Variants in MVB12B observed in about 807,000 individuals in gnomAD.
The protein encoded by MVB12B is multivesicular body subunit 12B.
A neutral mutation model predicts 41.6 loss-of-function variants in MVB12B; 16 were observed. The ratio of observed to expected loss-of-function variants is 0.38; its 90% CI spans 0.26 to 0.58. The LOEUF (loss-of-function observed/expected upper bound fraction) is 0.58. Among genes scored for constraint, MVB12B ranks in the 20% least tolerant of loss-of-function variants. The pLI, the probability that MVB12B is intolerant of heterozygous loss-of-function variation, is 0.62. For missense variants in MVB12B, 274 were observed against 380.2 expected (o/e 0.72, Z 2.32); for synonymous variants, 133 against 139.7 (o/e 0.95, Z 0.34).
intron 6 of MVB12B, among the ~76,000 whole-genome samples, chr9:126,413,849 T>TGTGTGTGTGCGC (rs1554776184): frequency 1.1e-4 from 16 of 148,516 alleles, no homozygotes; most frequent in Admixed American, 7.4e-4. Flanking sequence ...TGTGTGTGTG[T>TGTGTGTGTGCGC]GTGTATAAGG....
intron 2 of MVB12B, among the ~76,000 whole-genome samples, chr9:126,375,681 A>G (rs1830463906): frequency 6.6e-6 from 1 of 152,166 alleles, no homozygotes; most frequent in East Asian, 1.9e-4. Context: ...TTCCTCAGAA[A>G]GGGCCCCTGG....
At chr9:126,342,904 C>T (rs984881706) in intron 2 of MVB12B, among the ~76,000 whole-genome samples, 1 of 152,308 alleles carries the variant, frequency 6.6e-6, no homozygotes, top group Non-Finnish European at 1.5e-5. Flanking sequence ...AGCCCTGCTG[C>T]GGATTGGGCC....
intron 9 of MVB12B, 30 bp from the exon 10 acceptor site, chr9:126,503,147 G>T: frequency 1.3e-6 from 2 of 1,536,106 alleles, no homozygotes; most frequent in Non-Finnish European, 8.8e-7. Flanking sequence ...TGGACTGACT[G>T]TGTCTCTCTG....
intron 7 of MVB12B, among the ~76,000 whole-genome samples, chr9:126,447,294 A>T (rs1431722653): frequency 3.4e-5 from 5 of 148,878 alleles, no homozygotes; most frequent in Non-Finnish European, 5.9e-5. Flanking sequence ...CTTTTTTAAT[A>T]GCTTCCCTTG....
chr9:126,336,225 G>A (rs1307946001), intron 1 of MVB12B, among the ~76,000 whole-genome samples: 4 of 152,356 alleles, frequency 2.6e-5, no homozygotes, highest in Middle Eastern at 3.4e-3. Context: ...TTGATAAAAC[G>A]AGATAAACCC....
At chr9:126,455,747 A>G (rs1266557955) in intron 7 of MVB12B, among the ~76,000 whole-genome samples, 1 of 152,042 alleles carries the variant, frequency 6.6e-6, no homozygotes, top group Non-Finnish European at 1.5e-5. Context: ...CAGCCTCCCA[A>G]TGTGCTGGAA....
intron 3 of MVB12B, among the ~76,000 whole-genome samples, chr9:126,383,032 T>C (rs1185051002): frequency 2.0e-5 from 3 of 152,162 alleles, no homozygotes; most frequent in Admixed American, 6.5e-5. Flanking sequence ...CATATTGTTT[T>C]TGGAAAAAGA....
intron 7 of MVB12B, among the ~76,000 whole-genome samples, chr9:126,434,920 C>T (rs1588170198): frequency 6.6e-6 from 1 of 152,158 alleles, no homozygotes; most frequent in Non-Finnish European, 1.5e-5. Context: ...GCCTGATGCC[C>T]AATGCCCAGC....
chr9:126,472,792 A>G (rs1452369638), intron 7 of MVB12B, among the ~76,000 whole-genome samples: 2 of 152,168 alleles, frequency 1.3e-5, no homozygotes, highest in African/African-American at 4.8e-5. Flanking sequence ...GATCGTTATG[A>G]TAAAGGGCAT....
intron 7 of MVB12B, among the ~76,000 whole-genome samples, chr9:126,465,485 T>G (rs754629754): frequency 2.0e-5 from 3 of 152,134 alleles, no homozygotes; most frequent in Non-Finnish European, 4.4e-5. Context: ...TACTCTCAGA[T>G]GGGGGCACAG....
At chr9:126,440,654 T>C (rs1460971628) in intron 7 of MVB12B, among the ~76,000 whole-genome samples, 1 of 152,234 alleles carries the variant, frequency 6.6e-6, no homozygotes, top group Admixed American at 6.5e-5. Flanking sequence ...AAATCTGTTT[T>C]GGTATTTCCC....
chr9:126,369,641 T>C (rs947582151), intron 2 of MVB12B, among the ~76,000 whole-genome samples: 1 of 152,078 alleles, frequency 6.6e-6, no homozygotes, highest in African/African-American at 2.4e-5. Context: ...ATTTTTCACG[T>C]GGGTTTTTTT....
At chr9:126,455,981 C>T (rs1430255960) in intron 7 of MVB12B, among the ~76,000 whole-genome samples, 1 of 149,248 alleles carries the variant, frequency 6.7e-6, no homozygotes, top group Non-Finnish European at 1.5e-5. Context: ...AACTCCACCT[C>T]CCAGATTCAA....
intron 7 of MVB12B, among the ~76,000 whole-genome samples, chr9:126,464,475 A>C (rs1252888624): frequency 6.6e-6 from 1 of 152,218 alleles, no homozygotes; most frequent in Non-Finnish European, 1.5e-5. Context: ...GGCATTTGAC[A>C]TGACCCTATA....
At chr9:126,415,128 C>T (rs1239477136) in intron 6 of MVB12B, among the ~76,000 whole-genome samples, 1 of 152,170 alleles carries the variant, frequency 6.6e-6, no homozygotes, top group Non-Finnish European at 1.5e-5. Context: ...TGCCAGTGGC[C>T]TAGTGCAGCT....
chr9:126,359,467 GT>G (rs1829971717), intron 2 of MVB12B, among the ~76,000 whole-genome samples: 1 of 152,132 alleles, frequency 6.6e-6, no homozygotes, highest in African/African-American at 2.4e-5. Context: ...AATATTTAAT[GT>G]TTATTTGGTA....
At chr9:126,443,538 G>A (rs1480267697) in intron 7 of MVB12B, among the ~76,000 whole-genome samples, 1 of 152,156 alleles carries the variant, frequency 6.6e-6, no homozygotes, top group Non-Finnish European at 1.5e-5. Flanking sequence ...AAAGTTACAT[G>A]TTCATTGTAG....
At chr9:126,449,512 GAAGGCAGAGA>G (rs2119157620) in intron 7 of MVB12B, among the ~76,000 whole-genome samples, 1 of 152,314 alleles carries the variant, frequency 6.6e-6, no homozygotes, top group East Asian at 1.9e-4. Flanking sequence ...ATTTCCAGAG[GAAGGCAGAGA>G]GTCATTCTTC....
rs73668022 is a variant in MVB12B at position 126,442,627 on chromosome 9, C to T, written c.757+20679C>T. 5.6e-3 allele frequency among the ~76,000 whole-genome samples: 856 copies of T among 152,252 alleles called. 4 individuals carry two copies. Among genetic ancestry groups the T allele is most frequent in the African/African-American group, 0.019 (772 of 41,532 alleles). On this transcript the variant is annotated intron_variant, in intron 7 of 9. Transcript: ENST00000361171. ...TTCCAATTTGGTGACCGTGGATTGG[C>T]TGGAACCCTGCTCCTTGTGTCTTTG...
Sources: gnomAD v4.1 joint callset for allele counts (sites outside exome capture counted in the v4.1 genomes callset) on GRCh38, gnomAD v4.1.1 for gene constraint, MANE v1.5 for transcripts, NCBI Gene and HGNC (gene_info 2026-07-23, HGNC 2026-07-21) for gene names.